The following KCNIP4 variants were observed in gnomAD, a reference collection of about 807,000 sequenced individuals.
The protein encoded by KCNIP4 is Kv channel-interacting protein 4.
Under a neutral mutation model 34.0 loss-of-function variants are expected in KCNIP4, and 12 were observed. That is an observed-to-expected ratio of 0.35 (90% CI 0.23 to 0.57). KCNIP4 has a LOEUF of 0.57. Among genes scored for constraint, KCNIP4 ranks in the 20% least tolerant of loss-of-function variants. KCNIP4 has a pLI of 0.83. For synonymous variants in KCNIP4, 124 were observed against 102.2 expected (o/e 1.21, Z -1.29); for missense variants, 238 against 311.7 (o/e 0.76, Z 1.78).
intron 1 of KCNIP4, among the ~76,000 whole-genome samples, chr4:21,377,769 C>T (rs950117749): frequency 6.6e-6 from 1 of 152,144 alleles, no homozygotes; most frequent in African/African-American, 2.4e-5. Flanking sequence ...CTTTTTCATT[C>T]CCCTTACAAC....
intron 1 of KCNIP4, among the ~76,000 whole-genome samples, chr4:21,038,757 G>C (rs28621552): frequency 0.025 from 3,767 of 152,262 alleles, 147 homozygotes; most frequent in African/African-American, 0.085. Context: ...AAATATCTAC[G>C]TTATGAGGAA....
chr4:20,869,272 G>C (rs1270681326), intron 2 of KCNIP4, among the ~76,000 whole-genome samples: 1 of 152,028 alleles, frequency 6.6e-6, no homozygotes, highest in African/African-American at 2.4e-5. Context: ...GCAGTGATCT[G>C]GGTTTTGTTA....
chr4:20,773,196 C>T (rs1756066987), intron 3 of KCNIP4, among the ~76,000 whole-genome samples: 1 of 152,154 alleles, frequency 6.6e-6, no homozygotes, highest in Non-Finnish European at 1.5e-5. Flanking sequence ...GAATAAGTTA[C>T]TAAACTTCTT....
chr4:21,493,160 A>C (rs1425084715), intron 1 of KCNIP4, among the ~76,000 whole-genome samples: 8 of 150,838 alleles, frequency 5.3e-5, no homozygotes, highest in Non-Finnish European at 1.5e-5. Context: ...TCTGTAGTGC[A>C]TTCTTCTCTG....
intron 1 of KCNIP4, among the ~76,000 whole-genome samples, chr4:20,919,972 G>A (rs1729231677): frequency 6.6e-6 from 1 of 152,018 alleles, no homozygotes; most frequent in Admixed American, 6.6e-5. Context: ...AAGAGGACCT[G>A]CTCGCTACTT....
At chr4:21,306,558 C>T (rs1200402771) in intron 1 of KCNIP4, among the ~76,000 whole-genome samples, 1 of 152,100 alleles carries the variant, frequency 6.6e-6, no homozygotes, top group African/African-American at 2.4e-5. Context: ...CTGTTTTAGC[C>T]ATTAACTCCG....
chr4:21,669,364 G>T (rs1264524782), intron 1 of KCNIP4, among the ~76,000 whole-genome samples: 7 of 152,140 alleles, frequency 4.6e-5, no homozygotes, highest in African/African-American at 9.7e-5. Flanking sequence ...CTCCCAAAGT[G>T]CTAGGATTAC....
At chr4:21,690,750 C>A (rs998726709) in intron 1 of KCNIP4, among the ~76,000 whole-genome samples, 1 of 152,092 alleles carries the variant, frequency 6.6e-6, no homozygotes, top group Admixed American at 6.6e-5. Context: ...CAAACACAAA[C>A]CATAGCCGTA....
chr4:21,694,029 T>C (rs537737373), intron 1 of KCNIP4, among the ~76,000 whole-genome samples: 8 of 152,150 alleles, frequency 5.3e-5, no homozygotes, highest in Non-Finnish European at 1.2e-4. Context: ...GTACAGAATA[T>C]TGAAAAATGT....
At chr4:21,353,286 G>A (rs996982924) in intron 1 of KCNIP4, among the ~76,000 whole-genome samples, 3 of 152,126 alleles carry the variant, frequency 2.0e-5, no homozygotes, top group Admixed American at 6.6e-5. Flanking sequence ...AATGCTGGAT[G>A]GAGGATGACT....
At chr4:21,284,747 T>TGG (rs1763000271) in intron 1 of KCNIP4, among the ~76,000 whole-genome samples, 1 of 148,738 alleles carries the variant, frequency 6.7e-6, no homozygotes, top group Non-Finnish European at 1.5e-5. Flanking sequence ...TGTGTGTGTG[T>TGG]GTGTGTGTGT....
At chr4:20,881,093 C>G (rs541581736) in intron 2 of KCNIP4, among the ~76,000 whole-genome samples, 3 of 152,264 alleles carry the variant, frequency 2.0e-5, no homozygotes, top group Admixed American at 2.0e-4. Context: ...GTTTTAGTCA[C>G]TGCTCCATCT....
intron 1 of KCNIP4, among the ~76,000 whole-genome samples, chr4:21,789,861 T>A (rs894407739): frequency 1.3e-5 from 2 of 152,218 alleles, no homozygotes; most frequent in African/African-American, 4.8e-5. Flanking sequence ...AAGTTGGGCC[T>A]TCCAAACTAT....
At chr4:21,452,225 C>A (rs1728570970) in intron 1 of KCNIP4, among the ~76,000 whole-genome samples, 1 of 152,088 alleles carries the variant, frequency 6.6e-6, no homozygotes. Context: ...GATACCACTG[C>A]ATTGTAAATT....
At chr4:20,865,163 C>T (rs556838783) in intron 2 of KCNIP4, among the ~76,000 whole-genome samples, 18 of 152,068 alleles carry the variant, frequency 1.2e-4, no homozygotes, top group African/African-American at 3.1e-4. Context: ...AGAAATAGGA[C>T]GTTATGGAGT....
intron 1 of KCNIP4, among the ~76,000 whole-genome samples, chr4:21,195,567 C>G (rs1327786584): frequency 6.6e-6 from 1 of 152,054 alleles, no homozygotes; most frequent in East Asian, 1.9e-4. Context: ...TCAAAAGGCT[C>G]TTATTGATTG....
chr4:21,880,544 A>G (rs1726402674), intron 1 of KCNIP4, among the ~76,000 whole-genome samples: 1 of 152,134 alleles, frequency 6.6e-6, no homozygotes, highest in South Asian at 2.1e-4. Flanking sequence ...TTTGATCTTT[A>G]TTAGTCATAG....
intron 3 of KCNIP4, among the ~76,000 whole-genome samples, chr4:20,833,801 T>G (rs1718719578): frequency 6.6e-6 from 1 of 152,216 alleles, no homozygotes; most frequent in African/African-American, 2.4e-5. Flanking sequence ...AGACTGAATT[T>G]TAGACTCCGT....
intron 2 of KCNIP4, among the ~76,000 whole-genome samples, chr4:20,851,822 G>T (rs543452769): frequency 6.6e-6 from 1 of 152,276 alleles, no homozygotes; most frequent in Non-Finnish European, 1.5e-5. Context: ...TCAGTTTTGT[G>T]CCCTATGTAA....
Sources: allele counts gnomAD v4.1 joint callset (sites outside exome capture counted in the v4.1 genomes callset), GRCh38; gene constraint gnomAD v4.1.1; transcripts MANE v1.5; gene names NCBI Gene and HGNC (gene_info 2026-07-23, HGNC 2026-07-21).